The following HDAC9 variants were observed in gnomAD, a reference collection of about 807,000 sequenced individuals.
HDAC9 encodes the protein histone deacetylase 9, also known as MEF-2 interacting transcription repressor (MITR) protein.
HDAC9 carries 41 observed loss-of-function variants against 139.4 expected under a neutral mutation model. The ratio of observed to expected loss-of-function variants is 0.29; its 90% confidence interval spans 0.23 to 0.38. The LOEUF is 0.38. Ranked by LOEUF, HDAC9 falls within the 10% of genes least tolerant of loss-of-function variation. HDAC9 has a pLI of 1.00. For synonymous variants in HDAC9, 517 were observed against 476.2 expected (o/e 1.09, Z -1.12); for missense variants, 1,147 against 1,297.0 (o/e 0.88, Z 1.78).
intron 2 of HDAC9, among the ~76,000 whole-genome samples, chr7:18,190,301 A>G (rs1000886751): frequency 1.3e-5 from 2 of 152,204 alleles, no homozygotes; most frequent in Admixed American, 1.3e-4. Flanking sequence ...GTATACATAG[A>G]TACATATACA....
intron 16 of HDAC9, among the ~76,000 whole-genome samples, chr7:18,785,688 G>T (rs1239302425): frequency 6.6e-6 from 1 of 152,100 alleles, no homozygotes; most frequent in African/African-American, 2.4e-5. Flanking sequence ...TATATGATTA[G>T]AATCTGTTTT....
At chr7:18,139,803 A>G (rs548655840) in intron 1 of HDAC9, among the ~76,000 whole-genome samples, 6 of 152,330 alleles carry the variant, frequency 3.9e-5, no homozygotes, top group Admixed American at 2.6e-4. Context: ...TAATACGTAC[A>G]GAAGGGAAGA....
chr7:18,434,184 A>G (rs899522799), intron 1 of HDAC9, among the ~76,000 whole-genome samples: 1 of 152,258 alleles, frequency 6.6e-6, no homozygotes, highest in Non-Finnish European at 1.5e-5. Flanking sequence ...TATATAATAT[A>G]TGGCACTGGA....
At chr7:18,458,996 C>T (rs976888778) in intron 1 of HDAC9, 18 of 906,516 alleles carry the variant, frequency 2.0e-5, no homozygotes, top group Admixed American at 1.2e-4. Flanking sequence ...GTCAAAGCTG[C>T]GGTCAGCAAC....
intron 6 of HDAC9, among the ~76,000 whole-genome samples, chr7:18,603,365 A>T (rs981127218): frequency 1.3e-5 from 2 of 151,976 alleles, no homozygotes; most frequent in African/African-American, 2.4e-5. Flanking sequence ...TTACTTTTTT[A>T]AAAAAATATT....
chr7:18,725,860 T>C (rs1014173367), intron 12 of HDAC9, among the ~76,000 whole-genome samples: 1 of 152,146 alleles, frequency 6.6e-6, no homozygotes, highest in African/African-American at 2.4e-5. Context: ...AGAGTTAGAC[T>C]CTTGTAAAAG....
chr7:18,088,264 C>G (rs1331960859), intron 1 of HDAC9, among the ~76,000 whole-genome samples: 3 of 152,224 alleles, frequency 2.0e-5, no homozygotes, highest in East Asian at 1.9e-4. Context: ...AGTTTAACTT[C>G]TACCAGAAAA....
intron 1 of HDAC9, among the ~76,000 whole-genome samples, chr7:18,488,668 A>G (rs757944381): frequency 2.0e-5 from 3 of 152,040 alleles, no homozygotes; most frequent in Admixed American, 6.6e-5. Context: ...CATGACTACA[A>G]GGTTACTAGT....
chr7:18,093,619 C>G (rs923127493), intron 1 of HDAC9, among the ~76,000 whole-genome samples: 1 of 152,138 alleles, frequency 6.6e-6, no homozygotes, highest in Admixed American at 6.5e-5. Context: ...AAATCAAAAG[C>G]ACTGTGTCTC....
chr7:18,859,326 C>G (rs540614512), intron 21 of HDAC9, among the ~76,000 whole-genome samples: 49 of 151,912 alleles, frequency 3.2e-4, no homozygotes, highest in African/African-American at 1.2e-3. Context: ...GGAATTAATC[C>G]TACTCTCCTG....
At chr7:18,247,682 T>G (rs1040521637) in intron 2 of HDAC9, among the ~76,000 whole-genome samples, 8 of 152,222 alleles carry the variant, frequency 5.3e-5, no homozygotes, top group African/African-American at 1.9e-4. Flanking sequence ...AACAAATAAT[T>G]ATAGTTAATT....
At chr7:18,443,889 G>T (rs954639387) in intron 1 of HDAC9, among the ~76,000 whole-genome samples, 1 of 150,724 alleles carries the variant, frequency 6.6e-6, no homozygotes, top group African/African-American at 2.4e-5. Context: ...TATAACATTT[G>T]TATATACATT....
At chr7:18,232,071 C>T (rs1302165001) in intron 2 of HDAC9, among the ~76,000 whole-genome samples, 1 of 152,126 alleles carries the variant, frequency 6.6e-6, no homozygotes, top group Non-Finnish European at 1.5e-5. Flanking sequence ...AATTATGAGA[C>T]ATTATATTTA....
At chr7:18,959,027 T>G (rs9639319) in intron 24 of HDAC9, among the ~76,000 whole-genome samples, 121,752 of 152,092 alleles carry the variant, frequency 0.8, 48,845 homozygotes, top group African/African-American at 0.84. Context: ...GTGAGATAAA[T>G]AACTCTCATA....
chr7:18,616,323 G>A (rs1342053240), intron 6 of HDAC9, among the ~76,000 whole-genome samples: 1 of 152,134 alleles, frequency 6.6e-6, no homozygotes, highest in African/African-American at 2.4e-5. Flanking sequence ...TTAAGATGGT[G>A]TTTTCTGCAG....
At chr7:18,858,435 C>T (rs1009460166) in intron 21 of HDAC9, among the ~76,000 whole-genome samples, 2 of 152,106 alleles carry the variant, frequency 1.3e-5, no homozygotes, top group Non-Finnish European at 2.9e-5. Flanking sequence ...AAACCGTCAG[C>T]TCTCATGAGA....
intron 1 of HDAC9, among the ~76,000 whole-genome samples, chr7:18,408,115 G>A (rs780389609): frequency 7.0e-4 from 106 of 152,116 alleles, no homozygotes; most frequent in Non-Finnish European, 1.2e-3. Context: ...CTCAATAAGT[G>A]TTAATACTTA....
chr7:18,243,969 T>C (rs1324859661), intron 2 of HDAC9, among the ~76,000 whole-genome samples: 2 of 152,170 alleles, frequency 1.3e-5, no homozygotes, highest in Non-Finnish European at 2.9e-5. Context: ...TGTGAGGCAG[T>C]AATCCAGCTC....
rs533958607 is a variant in HDAC9 at position 18,145,690 on chromosome 7, A to G, written c.-96-16539A>G. Among the ~76,000 whole-genome samples, 4 of 152,350 alleles carry G rather than the reference A, an allele frequency of 2.6e-5. No individual in the cohort carries two copies. In the East Asian group the frequency reaches 7.7e-4, roughly 29 times the overall value. ...TTACAGAGGGGTATATTTTAACTTA[A>G]TATAAGGAACATCTTTTAAATGTTT... On this transcript the variant is annotated intron_variant, in intron 1 of 12. Transcript: ENST00000417496.
Sources: allele counts gnomAD v4.1 joint callset (sites outside exome capture counted in the v4.1 genomes callset), GRCh38; gene constraint gnomAD v4.1.1; transcripts MANE v1.5; gene names NCBI Gene and HGNC (gene_info 2026-07-23, HGNC 2026-07-21).